USH2A: variants seen among roughly 807,000 people sequenced by gnomAD.
USH2A encodes the protein Usher syndrome 2A (autosomal recessive, mild).
Under a neutral mutation model 538.9 loss-of-function variants are expected in USH2A, and 443 were observed. The observed-to-expected ratio is 0.82, with a 90% CI of 0.76 to 0.89. The LOEUF is 0.89. Among genes scored for constraint, USH2A ranks in the 40% least tolerant of loss-of-function variants. The pLI, the probability that USH2A is intolerant of heterozygous loss-of-function variation, is 0.00. For synonymous variants in USH2A, 2,413 were observed against 2,273.5 expected (o/e 1.06, Z -1.75); for missense variants, 6,633 against 6,324.8 (o/e 1.05, Z -1.65).
chr1:215,683,345 A>G (rs1558052590), intron 61 of USH2A, among the ~76,000 whole-genome samples: 1 of 152,234 alleles, frequency 6.6e-6, no homozygotes, highest in Non-Finnish European at 1.5e-5. Context: ...CTATATTAAA[A>G]AATGAAGAAA....
intron 11 of USH2A, among the ~76,000 whole-genome samples, chr1:216,256,200 T>C (rs1315888466): frequency 6.6e-6 from 1 of 151,996 alleles, no homozygotes; most frequent in East Asian, 1.9e-4. Context: ...TCTTCCAATC[T>C]GTATATTTTA....
At chr1:216,402,421 G>T (rs750477246) in intron 3 of USH2A, among the ~76,000 whole-genome samples, 1 of 151,906 alleles carries the variant, frequency 6.6e-6, no homozygotes, top group Non-Finnish European at 1.5e-5. Context: ...AACAACACAG[G>T]TTTGAACTAC....
At position 216,095,481 on chromosome 1, in the gene USH2A, C is replaced by T. The variant is rs544690720; in HGVS notation, c.4758+1602G>A. 3.3e-5 allele frequency among the ~76,000 whole-genome samples: 5 copies of T among 152,232 alleles called. No homozygotes were observed. The East Asian group carries it at 5.8e-4, about 18-fold the overall frequency. On this transcript the variant is annotated intron_variant, in intron 22 of 71. Coordinates refer to ENST00000307340, the MANE Select transcript of USH2A (RefSeq NM_206933.4). Reference sequence around the variant, plus strand: ...CCTTCTGCGATAGCTGCTGCTTCTTCCTTTCCCTCTGGCTGCAGGATCTGC... The same window carrying T: ...CCTTCTGCGATAGCTGCTGCTTCTTTCTTTCCCTCTGGCTGCAGGATCTGC...
chr1:215,944,376 C>T (rs1035254926), intron 37 of USH2A, among the ~76,000 whole-genome samples: 5 of 152,112 alleles, frequency 3.3e-5, no homozygotes, highest in Admixed American at 2.0e-4. Flanking sequence ...AAATATACTG[C>T]CTTCCTGAAT....
At chr1:216,135,955 T>C (rs1300501290) in intron 21 of USH2A, among the ~76,000 whole-genome samples, 5 of 152,040 alleles carry the variant, frequency 3.3e-5, no homozygotes, top group East Asian at 1.9e-4. Context: ...TATATATATA[T>C]ATATGTATGA....
rs114640904 is a variant in USH2A at position 216,395,839 on chromosome 1, C to G, written c.651+22675G>C. Among the ~76,000 whole-genome samples the G allele has an allele frequency of 2.0e-3, 309 of 152,278 alleles. 5 individuals are homozygous for G. The highest frequency in any genetic ancestry group is 7.0e-3 in the African/African-American group (289 of 41,556). Reference sequence around the variant, plus strand: ...AAAGCCAGGCACAACCAATAATTATCCAGTCCAAAATGTCAGTAGTGCCAA... The same window carrying G: ...AAAGCCAGGCACAACCAATAATTATGCAGTCCAAAATGTCAGTAGTGCCAA... On this transcript the variant is annotated intron_variant, in intron 3 of 71. Transcript: ENST00000307340.
At chr1:215,959,815 G>T (rs1296229388) in intron 37 of USH2A, among the ~76,000 whole-genome samples, 2 of 152,078 alleles carry the variant, frequency 1.3e-5, no homozygotes, top group African/African-American at 4.8e-5. Context: ...GTGCACAAAG[G>T]ACTCAGCAAT....
At chr1:216,273,161 T>A (rs1438214948) in intron 11 of USH2A, among the ~76,000 whole-genome samples, 1 of 151,964 alleles carries the variant, frequency 6.6e-6, no homozygotes, top group African/African-American at 2.4e-5. Context: ...CAGATGATAG[T>A]AAAGGGGTGT....
intron 13 of USH2A, among the ~76,000 whole-genome samples, chr1:216,239,110 A>T (rs2102533470): frequency 6.6e-6 from 1 of 152,200 alleles, no homozygotes; most frequent in Non-Finnish European, 1.5e-5. Context: ...CCAGGAAAAA[A>T]AAAAACATTA....
chr1:216,222,121 TC>T (rs1044889343), intron 14 of USH2A, among the ~76,000 whole-genome samples: 3 of 152,134 alleles, frequency 2.0e-5, no homozygotes, highest in African/African-American at 7.2e-5. Context: ...TAAGGTTCTT[TC>T]CCAGTCTATA....
At chr1:216,021,208 G>T (rs922346889) in intron 32 of USH2A, among the ~76,000 whole-genome samples, 3 of 152,124 alleles carry the variant, frequency 2.0e-5, no homozygotes, top group Non-Finnish European at 4.4e-5. Flanking sequence ...GATGTGGTTT[G>T]GCTGTGTCCC....
At chr1:216,130,859 T>C (rs756641438) in intron 21 of USH2A, among the ~76,000 whole-genome samples, 4 of 151,774 alleles carry the variant, frequency 2.6e-5, no homozygotes, top group Non-Finnish European at 5.9e-5. Flanking sequence ...CTAATGGTAG[T>C]TTTAGTTCTG....
At chr1:215,670,245 C>CCCA (rs1321612931) in intron 64 of USH2A, among the ~76,000 whole-genome samples, 3 of 152,110 alleles carry the variant, frequency 2.0e-5, no homozygotes, top group African/African-American at 7.2e-5. Flanking sequence ...GGCTCATGTG[C>CCCA]CCACCACTTG....
At chr1:216,421,794 T>A in intron 2 of USH2A, 58 bp downstream of exon 2, 1 of 1,612,868 alleles carries the variant, frequency 6.2e-7, no homozygotes, top group African/African-American at 1.3e-5. Context: ...GCTGAAATGA[T>A]CTTCACTACT....
chr1:216,206,455 A>G (rs2035113656), intron 16 of USH2A, among the ~76,000 whole-genome samples: 1 of 152,072 alleles, frequency 6.6e-6, no homozygotes, highest in Admixed American at 6.6e-5. Context: ...CCTCGCATGC[A>G]CAGTTCGCAA....
chr1:215,823,916 T>G (rs1431360019), intron 47 of USH2A, among the ~76,000 whole-genome samples: 1 of 152,098 alleles, frequency 6.6e-6, no homozygotes, highest in Admixed American at 6.6e-5. Flanking sequence ...TTAAATCTGT[T>G]GAGAAATGTC....
chr1:216,175,450 C>CTT lies in USH2A; in HGVS notation c.4427_4428dup (p.Gly1477LysfsTer18). ...AGATGGATTGTTGTGCTGTTGATTC[C>CTT]TTTAACCAGAGGTGGCCTCAGTTGT... On this transcript the variant is annotated frameshift_variant, in exon 21 of 72. Transcript: ENST00000307340. LOFTEE classifies it high-confidence loss of function. 6.2e-7 allele frequency: 1 copy of CTT among 1,613,762 alleles called. No individual in the cohort carries two copies. The highest frequency in any genetic ancestry group is 8.5e-7 in the Non-Finnish European group (1 of 1,179,856).
intron 38 of USH2A, among the ~76,000 whole-genome samples, chr1:215,903,899 C>T (rs1665566439): frequency 1.3e-5 from 2 of 152,106 alleles, no homozygotes; most frequent in South Asian, 2.1e-4. Context: ...CTTACCTTCA[C>T]ATTTTTGGTT....
intron 38 of USH2A, among the ~76,000 whole-genome samples, chr1:215,904,204 A>G (rs1389250959): frequency 1.3e-5 from 2 of 152,100 alleles, no homozygotes; most frequent in African/African-American, 4.8e-5. Context: ...TTAGCCCTGA[A>G]AAAATTAGTT....
Sources: allele counts gnomAD v4.1 joint callset (sites outside exome capture counted in the v4.1 genomes callset), GRCh38; gene constraint gnomAD v4.1.1; transcripts MANE v1.5; gene names NCBI Gene and HGNC (gene_info 2026-07-23, HGNC 2026-07-21).